The following LTBP1 variants were observed in gnomAD, a reference collection of about 807,000 sequenced individuals.
LTBP1 encodes the protein latent transforming growth factor beta binding protein 1.
Under a neutral mutation model 207.6 loss-of-function variants are expected in LTBP1, and 129 were observed. The observed-to-expected ratio is 0.62, with a 90% CI of 0.54 to 0.72. LTBP1 has a LOEUF of 0.72. Among genes scored for constraint, LTBP1 ranks in the 30% least tolerant of loss-of-function variants. The pLI, the probability that LTBP1 is intolerant of heterozygous loss-of-function variation, is 0.00. For synonymous variants in LTBP1, 963 were observed against 833.7 expected, an observed-to-expected ratio of 1.16 and a Z score of -2.67; for missense variants, 2,281 against 2,217.2, an observed-to-expected ratio of 1.03 and a Z score of -0.58.
Position 32,971,270 on chromosome 2 carries a change from G to T in LTBP1, c.565+22325G>T, listed in dbSNP as rs1320725074. Among the ~76,000 whole-genome samples the T allele has an allele frequency of 2.6e-5, 4 of 152,130 alleles. No individual in the cohort carries two copies. The East Asian group carries it at 7.7e-4, about 29-fold the overall frequency. ...GAGTTTGACTTCCCCTCTTCCAATG[G>T]AATGCCTTTTATTTCTTTCTCTTGC... On this transcript the variant is annotated intron_variant, in intron 2 of 33. Coordinates refer to ENST00000404816, the MANE Select transcript of LTBP1 (RefSeq NM_206943.4).
chr2:33,009,933 C>A (rs76027908), intron 2 of LTBP1, among the ~76,000 whole-genome samples: 5,965 of 152,280 alleles, frequency 0.039, 197 homozygotes, highest in Non-Finnish European at 0.066. Flanking sequence ...CAAGGCCAGA[C>A]ATCTAAGTTC....
At chr2:33,020,362 A>C (rs1372866875) in intron 2 of LTBP1, among the ~76,000 whole-genome samples, 2 of 152,124 alleles carry the variant, frequency 1.3e-5, no homozygotes, top group Non-Finnish European at 2.9e-5. Flanking sequence ...AAGTCTTGGC[A>C]AAAAATTTAG....
intron 2 of LTBP1, among the ~76,000 whole-genome samples, chr2:32,952,935 T>C (rs1044122737): frequency 6.6e-6 from 1 of 152,210 alleles, no homozygotes; most frequent in Non-Finnish European, 1.5e-5. Context: ...GGATGGTTCT[T>C]TCATTTACTG....
Position 33,347,598 on chromosome 2 carries a change from A to G in LTBP1, c.4000+88A>G. 3 of 1,507,332 alleles carry G rather than the reference A, an allele frequency of 2.0e-6. No individual in the cohort carries two copies. In the South Asian group the frequency reaches 3.6e-5, roughly 18 times the overall value. The allele number at this position is 1,507,332 out of a possible 1,614,324, so 93.4% of individuals were successfully genotyped here. A position where few individuals can be genotyped will look rare whatever the true frequency, so the allele number is the denominator to read the frequency against. ...AGCTTTGGGATAAACGCTGGGAGTG[A>G]GATAAGAAGCAGCCAGATGTCCTGA... On this transcript the variant is annotated intron_variant, in intron 26 of 33. Coordinates refer to ENST00000404816, the MANE Select transcript of LTBP1 (RefSeq NM_206943.4).
chr2:33,138,966 C>T (rs1305018603), intron 5 of LTBP1, among the ~76,000 whole-genome samples: 1 of 144,242 alleles, frequency 6.9e-6, no homozygotes, highest in Admixed American at 7.3e-5. Flanking sequence ...TCACGCCATT[C>T]TCCTGCCTCA....
intron 21 of LTBP1, among the ~76,000 whole-genome samples, chr2:33,301,037 A>G (rs537291847): frequency 6.6e-6 from 1 of 152,320 alleles, no homozygotes; most frequent in East Asian, 1.9e-4. Flanking sequence ...AACTGTAATA[A>G]TGTCCCCCTT....
chr2:33,242,133 G>A (rs934171083), intron 9 of LTBP1, among the ~76,000 whole-genome samples: 9 of 152,116 alleles, frequency 5.9e-5, no homozygotes, highest in South Asian at 2.1e-4. Flanking sequence ...AAATATGTAC[G>A]TATAGATCAC....
At chr2:32,978,685 A>G (rs1007388186) in intron 2 of LTBP1, among the ~76,000 whole-genome samples, 7 of 120,054 alleles carry the variant, frequency 5.8e-5, no homozygotes, top group Non-Finnish European at 1.1e-4. Flanking sequence ...TTTTTTTTGC[A>G]TGTGTCTTTG....
chr2:33,012,505 A>G (rs1288252348), intron 2 of LTBP1, among the ~76,000 whole-genome samples: 3 of 152,132 alleles, frequency 2.0e-5, no homozygotes, highest in Non-Finnish European at 2.9e-5. Flanking sequence ...CAATTGTCCA[A>G]TTAAGGCCGC....
At chr2:33,364,471 TAACTA>T in intron 30 of LTBP1, 115 bp downstream of exon 30, 1 of 1,028,784 alleles carries the variant, frequency 9.7e-7, no homozygotes, top group Non-Finnish European at 1.4e-6. Context: ...TATTTTGAAA[TAACTA>T]AAATGAGATA....
chr2:33,090,056 A>G (rs895633004), intron 3 of LTBP1, among the ~76,000 whole-genome samples: 3 of 152,244 alleles, frequency 2.0e-5, no homozygotes, highest in African/African-American at 7.2e-5. Context: ...TTTAACCCGC[A>G]TTTTAGACCT....
intron 19 of LTBP1, among the ~76,000 whole-genome samples, chr2:33,282,567 A>T (rs771976580): frequency 6.6e-6 from 1 of 152,204 alleles, no homozygotes; most frequent in Non-Finnish European, 1.5e-5. Context: ...ATTTTCTGCT[A>T]AACTCTGACC....
chr2:32,959,615 A>ATTTTTTT (rs1232142524), intron 2 of LTBP1, among the ~76,000 whole-genome samples: 37 of 37,702 alleles, frequency 9.8e-4, no homozygotes, highest in African/African-American at 2.2e-3. Context: ...ATATATATAT[A>ATTTTTTT]TATATATTTT....
intron 2 of LTBP1, among the ~76,000 whole-genome samples, chr2:32,973,947 C>A (rs1473277847): frequency 6.6e-6 from 1 of 152,134 alleles, no homozygotes; most frequent in African/African-American, 2.4e-5. Context: ...TTTTTTATGG[C>A]TGAATAGTAC....
At chr2:33,248,183 A>G (rs1277229920) in intron 10 of LTBP1, among the ~76,000 whole-genome samples, 1 of 152,212 alleles carries the variant, frequency 6.6e-6, no homozygotes. Flanking sequence ...ACAGTAAACA[A>G]AAACCATGAC....
At chr2:32,958,581 C>T (rs924057302) in intron 2 of LTBP1, among the ~76,000 whole-genome samples, 1 of 152,198 alleles carries the variant, frequency 6.6e-6, no homozygotes, top group Non-Finnish European at 1.5e-5. Flanking sequence ...TGCCACAGTA[C>T]AAGTGCCACA....
chr2:33,327,216 C>T (rs1357569606), intron 24 of LTBP1, among the ~76,000 whole-genome samples: 2 of 152,114 alleles, frequency 1.3e-5, no homozygotes, highest in Non-Finnish European at 2.9e-5. Flanking sequence ...CTTATGAATG[C>T]TTTACAGTAA....
At chr2:33,314,351 A>T (rs186915517) in intron 23 of LTBP1, among the ~76,000 whole-genome samples, 9 of 152,248 alleles carry the variant, frequency 5.9e-5, no homozygotes, top group African/African-American at 2.2e-4. Flanking sequence ...GGAGTTCCAG[A>T]CCAGCCTGGG....
chr2:33,208,605 G>T (rs2090054704), intron 7 of LTBP1, among the ~76,000 whole-genome samples: 1 of 152,162 alleles, frequency 6.6e-6, no homozygotes, highest in Non-Finnish European at 1.5e-5. Context: ...AACCTGGCAG[G>T]CAGGGGGCAC....
Sources: allele counts gnomAD v4.1 joint callset (sites outside exome capture counted in the v4.1 genomes callset), GRCh38; gene constraint gnomAD v4.1.1; transcripts MANE v1.5; gene names NCBI Gene and HGNC (gene_info 2026-07-23, HGNC 2026-07-21).